The following RANBP17 variants were observed in gnomAD, a reference collection of about 807,000 sequenced individuals.
RANBP17 encodes the protein RAN binding protein 17, also known as ran-binding protein 17.
RANBP17 carries 158 observed loss-of-function variants against 141.2 expected under a neutral mutation model. The ratio of observed to expected loss-of-function variants is 1.12; its 90% confidence interval spans 0.98 to 1.28. The LOEUF (loss-of-function observed/expected upper bound fraction) is 1.28, where lower values mean the gene tolerates loss of function less well. RANBP17 is among the 50% of genes most tolerant of loss of function. The pLI, the probability that RANBP17 is intolerant of heterozygous loss-of-function variation, is 0.00. For missense variants in RANBP17, 1,438 were observed against 1,290.7 expected (o/e 1.11, Z -1.75); for synonymous variants, 430 against 450.0 (o/e 0.96, Z 0.56).
chr5:171,249,282 C>T (rs1261377269), intron 24 of RANBP17, among the ~76,000 whole-genome samples: 2 of 152,204 alleles, frequency 1.3e-5, no homozygotes, highest in Non-Finnish European at 2.9e-5. Context: ...GGAAAAATGC[C>T]TCCCCTATGA....
At chr5:171,126,035 C>G (rs984839226) in intron 14 of RANBP17, among the ~76,000 whole-genome samples, 3 of 152,162 alleles carry the variant, frequency 2.0e-5, no homozygotes, top group African/African-American at 7.2e-5. Context: ...ATCCGCCCGC[C>G]TTGGCCTCCC....
chr5:171,289,536 G>T (rs1337364848), intron 25 of RANBP17, among the ~76,000 whole-genome samples: 1 of 152,098 alleles, frequency 6.6e-6, no homozygotes, highest in Non-Finnish European at 1.5e-5. Flanking sequence ...CCAAGAATTG[G>T]AGACCAGCCT....
chr5:170,915,772 C>T (rs952465520), intron 8 of RANBP17, among the ~76,000 whole-genome samples: 11 of 151,880 alleles, frequency 7.2e-5, no homozygotes, highest in Middle Eastern at 3.2e-3. Context: ...CAGGATACCA[C>T]GGTACATAAT....
At chr5:170,896,562 G>C (rs1309982490) in intron 5 of RANBP17, among the ~76,000 whole-genome samples, 1 of 152,180 alleles carries the variant, frequency 6.6e-6, no homozygotes, top group Non-Finnish European at 1.5e-5. Context: ...GGGCCAGGTG[G>C]CTCACGCCTG....
At chr5:171,152,973 A>G (rs1318629022) in intron 14 of RANBP17, among the ~76,000 whole-genome samples, 3 of 152,210 alleles carry the variant, frequency 2.0e-5, no homozygotes, top group Non-Finnish European at 4.4e-5. Flanking sequence ...CCATTAAATG[A>G]TGAAGTGTAA....
chr5:171,243,681 C>G (rs774571731), intron 24 of RANBP17, among the ~76,000 whole-genome samples: 1 of 152,190 alleles, frequency 6.6e-6, no homozygotes, highest in Non-Finnish European at 1.5e-5. Context: ...TACTCACTAA[C>G]ATTATTAACA....
chr5:171,117,029 G>A lies in RANBP17; in HGVS notation c.1711-53101G>A, dbSNP rs553949921. ...TTATGGATGAATAGTGTTCCCTTGT[G>A]TATGTGTACCACATTTTCTTTATCC... On this transcript the variant is annotated intron_variant, in intron 14 of 27. Coordinates refer to ENST00000523189, the MANE Select transcript of RANBP17 (RefSeq NM_022897.5). Among the ~76,000 whole-genome samples, 14 of 152,262 alleles carry A rather than the reference G, an allele frequency of 9.2e-5. No individual in the cohort carries two copies. In the South Asian group the frequency reaches 2.9e-3, roughly 32 times the overall value.
At chr5:170,896,865 G>A (rs1316600584) in intron 5 of RANBP17, 3 of 510,200 alleles carry the variant, frequency 5.9e-6, no homozygotes, top group Non-Finnish European at 1.1e-5. Context: ...AGGCCTTTTG[G>A]GTTGCAGGCC....
At position 171,088,700 on chromosome 5, in the gene RANBP17, G is replaced by C. The variant is rs1177488498; in HGVS notation, c.1711-81430G>C. On this transcript the variant is annotated intron_variant, in intron 14 of 27. Coordinates refer to ENST00000523189, the MANE Select transcript of RANBP17 (RefSeq NM_022897.5). The stretch of plus-strand genomic sequence containing the variant: ...TTTCTCTAAACTTCCCTTCTCGCTT[G>C]ATTTCGTTCATTTCATCTTCCATCA... 1.1e-4 allele frequency among the ~76,000 whole-genome samples: 16 copies of C among 152,068 alleles called. No homozygotes were observed. The East Asian group carries it at 2.1e-3, about 20-fold the overall frequency.
chr5:171,158,970 C>G (rs1441263991), intron 14 of RANBP17, among the ~76,000 whole-genome samples: 3 of 152,182 alleles, frequency 2.0e-5, no homozygotes, highest in African/African-American at 4.8e-5. Context: ...GGAAATATCA[C>G]TTGAGAATGC....
At chr5:171,158,499 G>A (rs1431612418) in intron 14 of RANBP17, 1 of 183,042 alleles carries the variant, frequency 5.5e-6, no homozygotes, top group Non-Finnish European at 1.2e-5. Flanking sequence ...TGCCCAGTAA[G>A]TTTAGTTGGA....
intron 1 of RANBP17, among the ~76,000 whole-genome samples, chr5:170,874,369 A>C (rs763555375): frequency 1.3e-5 from 2 of 152,166 alleles, no homozygotes; most frequent in Non-Finnish European, 2.9e-5. Flanking sequence ...GCTGAATTCA[A>C]GTCCTGAATA....
Position 171,131,091 on chromosome 5 carries a change from G to A in RANBP17, c.1711-39039G>A, listed in dbSNP as rs143176899. Among the ~76,000 whole-genome samples, 438 of 152,234 alleles carry A rather than the reference G, an allele frequency of 2.9e-3. 2 individuals are homozygous for A. The highest frequency in any genetic ancestry group is 9.8e-3 in the African/African-American group (407 of 41,522). On this transcript the variant is annotated intron_variant, in intron 14 of 27. Transcript: ENST00000523189. Reference sequence around the variant, plus strand: ...GGTTCTGTCACTTAGTAGCCTTTGGGCGAATTTTTCAAACTCAGATCCTCA... The same window carrying A: ...GGTTCTGTCACTTAGTAGCCTTTGGACGAATTTTTCAAACTCAGATCCTCA...
chr5:171,154,458 T>C (rs1000263168), intron 14 of RANBP17, among the ~76,000 whole-genome samples: 2 of 152,146 alleles, frequency 1.3e-5, no homozygotes, highest in African/African-American at 4.8e-5. Context: ...TTTTGTATTT[T>C]TAGCAGAGAC....
In RANBP17 at chr5:171,236,185, T is replaced by G. The variant is rs553582397; in HGVS notation, c.2423-4743T>G. On this transcript the variant is annotated intron_variant, in intron 22 of 27. Transcript: ENST00000523189. ...GCAGTTCTCTTCGCATAACTGCTCC[T>G]TCCAATGATAAGTGAAGACATTCAG... Among the ~76,000 whole-genome samples the G allele has an allele frequency of 3.9e-4, 60 of 152,318 alleles. 3 individuals carry two copies. The South Asian group carries it at 0.012, about 30-fold the overall frequency.
chr5:171,220,658 G>A (rs1206177687), intron 21 of RANBP17, among the ~76,000 whole-genome samples: 1 of 151,952 alleles, frequency 6.6e-6, no homozygotes, highest in Non-Finnish European at 1.5e-5. Context: ...ATATTGGCCA[G>A]GCTGGTCTTG....
chr5:170,951,855 T>C (rs1225947003), intron 12 of RANBP17, among the ~76,000 whole-genome samples: 1 of 151,984 alleles, frequency 6.6e-6, no homozygotes, highest in Non-Finnish European at 1.5e-5. Flanking sequence ...GATTATGATA[T>C]AAATATTGTT....
intron 2 of RANBP17, 97 bp downstream of exon 2, chr5:170,878,340 G>T: frequency 2.9e-6 from 3 of 1,030,662 alleles, no homozygotes; most frequent in Non-Finnish European, 4.0e-6. Context: ...GATAGATATT[G>T]CCACATGGTT....
intron 19 of RANBP17, 45 bp downstream of exon 19, chr5:171,199,818 TA>T (rs1762199104): frequency 8.4e-7 from 1 of 1,190,218 alleles, no homozygotes; most frequent in Admixed American, 1.8e-5. Context: ...TTGTTTTTTC[TA>T]GGATATCTAG....
Sources: allele counts gnomAD v4.1 joint callset (sites outside exome capture counted in the v4.1 genomes callset), GRCh38; gene constraint gnomAD v4.1.1; transcripts MANE v1.5; gene names NCBI Gene and HGNC (gene_info 2026-07-23, HGNC 2026-07-21).